Variants in MBOAT1 observed in about 807,000 individuals in gnomAD.
The protein encoded by MBOAT1 is membrane bound glycerophospholipid O-acyltransferase 1.
MBOAT1 carries 67 observed loss-of-function variants against 64.4 expected under a neutral mutation model. The observed-to-expected ratio is 1.04, with a 90% confidence interval of 0.85 to 1.27. The LOEUF (loss-of-function observed/expected upper bound fraction) is 1.27. Ranked by LOEUF, MBOAT1 falls within the 50% of genes most tolerant of loss-of-function variation. MBOAT1 has a pLI of 0.00. For missense variants in MBOAT1, 563 were observed against 604.6 expected, an observed-to-expected ratio of 0.93 and a Z score of 0.72; for synonymous variants, 229 against 218.9, an observed-to-expected ratio of 1.05 and a Z score of -0.41.
chr6:20,128,545 G>A (rs957980906), intron 6 of MBOAT1, among the ~76,000 whole-genome samples, 154 bp downstream of exon 6: 1 of 152,008 alleles, frequency 6.6e-6, no homozygotes, highest in Non-Finnish European at 1.5e-5. Flanking sequence ...ACCAAAGACT[G>A]GTAACAATGC....
rs200985522 is a variant in MBOAT1, at chr6:20,124,584, T to C, written c.731A>G (p.Lys244Arg). The C allele has an allele frequency of 9.9e-6, 16 of 1,614,128 alleles. No homozygotes were observed. The African/African-American group carries it at 2.0e-4, about 20-fold the overall frequency. ...GAGAGACACCAAGGTGATGCCCAAC[T>C]TGTGTATCACAGCTCCCTGAAAATG... ...EPSPTGAVIH[K>R]LGITLVSLLL... Residue 244 changes from lysine (K) to arginine (R), a missense_variant, in exon 8 of 13, where the codon AAG becomes AGG. Lys to Arg is a conservative substitution (Grantham distance 26, BLOSUM62 2). Transcript: ENST00000324607.
chr6:20,157,506 T>C (rs984665703), intron 1 of MBOAT1, among the ~76,000 whole-genome samples: 3 of 152,194 alleles, frequency 2.0e-5, no homozygotes, highest in Non-Finnish European at 4.4e-5. Flanking sequence ...ATTATTTTCA[T>C]CATTTGGAAA....
At position 20,102,307 on chromosome 6, in the gene MBOAT1, A is replaced by G; in HGVS notation, c.1467T>C (p.Ile489=). The stretch of plus-strand genomic sequence containing the variant: ...GGTATCAATCTGTTTTTCTCTTATT[A>G]ATAGAGTTCAGAGTCTGAGGCCGCC... ...TQRRPQTLNS[I]NKRKTD is the part of the protein sequence containing the mutation. The change falls in exon 13 of 13, where the codon ATT becomes ATC. Residue 489 remains isoleucine (I), a synonymous_variant. Coordinates refer to ENST00000324607, the MANE Select transcript of MBOAT1 (RefSeq NM_001080480.3). The G allele has an allele frequency of 6.2e-7, 1 of 1,613,722 alleles. No homozygotes were observed. The highest frequency in any genetic ancestry group is 2.2e-5 in the East Asian group (1 of 44,850).
In MBOAT1 at chr6:20,178,947, A is replaced by G. The variant is rs189967606; in HGVS notation, c.100-26178T>C. Among the ~76,000 whole-genome samples, 852 of 151,372 alleles carry G rather than the reference A, an allele frequency of 5.6e-3. 3 individuals carry two copies. Among genetic ancestry groups the G allele is most frequent in the Non-Finnish European group, 7.5e-3 (508 of 67,888 alleles). ...TTTTTAATGGGTTTTTTTTTTTCCAACTTTTAAGTTCAGGGATACCTGTGC... is the reference window on the plus strand; with the variant it reads ...TTTTTAATGGGTTTTTTTTTTTCCAGCTTTTAAGTTCAGGGATACCTGTGC... On this transcript the variant is annotated intron_variant, in intron 1 of 12. Coordinates refer to ENST00000324607, the MANE Select transcript of MBOAT1 (RefSeq NM_001080480.3).
chr6:20,120,614 A>C (rs1760468046), intron 8 of MBOAT1, among the ~76,000 whole-genome samples: 1 of 152,154 alleles, frequency 6.6e-6, no homozygotes, highest in African/African-American at 2.4e-5. Flanking sequence ...GGTTACAATT[A>C]GCCAAGATCG....
chr6:20,156,415 C>T (rs761779604), intron 1 of MBOAT1, among the ~76,000 whole-genome samples: 1 of 152,232 alleles, frequency 6.6e-6, no homozygotes, highest in East Asian at 1.9e-4. Flanking sequence ...ACCTGCTCCA[C>T]CACCCTCTCC....
At chr6:20,110,164 C>T (rs1222105898) in intron 11 of MBOAT1, among the ~76,000 whole-genome samples, 2 of 151,292 alleles carry the variant, frequency 1.3e-5, no homozygotes, top group East Asian at 1.9e-4. Context: ...CCACCTTGGC[C>T]GCCCAAAGTG....
At chr6:20,187,320 G>A (rs1044297865) in intron 1 of MBOAT1, among the ~76,000 whole-genome samples, 1 of 152,238 alleles carries the variant, frequency 6.6e-6, no homozygotes, top group African/African-American at 2.4e-5. Context: ...TGTAAAGTGA[G>A]GGAGGGAAAA....
intron 4 of MBOAT1, among the ~76,000 whole-genome samples, chr6:20,142,053 G>A (rs1221025249): frequency 6.8e-6 from 1 of 148,032 alleles, no homozygotes; most frequent in East Asian, 2.0e-4. Context: ...AGTTGTTGCA[G>A]AAATGAATAG....
chr6:20,171,007 G>A (rs1168807228), intron 1 of MBOAT1, among the ~76,000 whole-genome samples: 1 of 152,172 alleles, frequency 6.6e-6, no homozygotes, highest in East Asian at 1.9e-4. Context: ...AGATAGAGCA[G>A]AGAACAGGTA....
chr6:20,124,469 G>A lies in MBOAT1; in HGVS notation c.846C>T (p.Leu282=), dbSNP rs1760591460. The A allele has an allele frequency of 6.2e-7, 1 of 1,614,182 alleles. No homozygotes were observed. ...FVHKASFPAR[L]CYLYVVMQAS... ...CTTGCATGACAACATATAAGTAGCAGAGTCGAGCCGGAAAGCTTGCTTTAT... is the reference window on the plus strand; with the variant it reads ...CTTGCATGACAACATATAAGTAGCAAAGTCGAGCCGGAAAGCTTGCTTTAT... Residue 282 remains leucine, a synonymous_variant, in exon 8 of 13, where the codon CTC becomes CTT. Transcript: ENST00000324607.
intron 4 of MBOAT1, among the ~76,000 whole-genome samples, chr6:20,132,364 T>C (rs1760856664): frequency 1.3e-5 from 2 of 152,200 alleles, no homozygotes; most frequent in Non-Finnish European, 2.9e-5. Context: ...GAAGATACAT[T>C]TGTAAAATGC....
At chr6:20,167,965 C>G (rs1762058892) in intron 1 of MBOAT1, among the ~76,000 whole-genome samples, 1 of 152,142 alleles carries the variant, frequency 6.6e-6, no homozygotes, top group Non-Finnish European at 1.5e-5. Context: ...ATGAATTTCC[C>G]TGCACATCCT....
At chr6:20,115,441 G>C (rs1760291872) in intron 9 of MBOAT1, 89 bp from the exon 10 acceptor site, 3 of 1,035,406 alleles carry the variant, frequency 2.9e-6, no homozygotes, top group Non-Finnish European at 4.5e-6. Flanking sequence ...CAGCAGGTTA[G>C]ATACTGTATT....
chr6:20,212,327 G>C lies in MBOAT1; in HGVS notation c.-93C>G. 2.5e-6 allele frequency: 3 copies of C among 1,197,700 alleles called. No homozygotes were observed. Among genetic ancestry groups the C allele is most frequent in the South Asian group, 2.7e-5 (2 of 74,214 alleles). 74.2% of individuals were successfully genotyped at this position (1,197,700 alleles called of 1,614,324 possible). ...CCGGGTGCTCTTGGGTGGTTGCCCC[G>C]AGAGGCGCACGGCCGCCTGGTTCGC... is the stretch of plus-strand genomic sequence containing the variant. On this transcript the variant is annotated 5_prime_UTR_variant, in exon 1 of 13. Transcript: ENST00000324607.
At position 20,131,744 on chromosome 6, in the gene MBOAT1, T is replaced by C. The variant is rs142349212; in HGVS notation, c.420-545A>G. Among the ~76,000 whole-genome samples, 501 of 152,222 alleles carry C rather than the reference T, an allele frequency of 3.3e-3. 1 individual carries two copies. Among genetic ancestry groups the C allele is most frequent in the African/African-American group, 0.011 (475 of 41,526 alleles). ...AAACCATTTTTATTTCCCTTCGAAATCACTTTACATAGATAGATATAACAA... is the reference window on the plus strand; with the variant it reads ...AAACCATTTTTATTTCCCTTCGAAACCACTTTACATAGATAGATATAACAA... On this transcript the variant is annotated intron_variant, in intron 4 of 12. Coordinates refer to ENST00000324607, the MANE Select transcript of MBOAT1 (RefSeq NM_001080480.3).
chr6:20,128,626 A>G lies in MBOAT1; in HGVS notation c.530+73T>C, dbSNP rs545981220. 39 of 1,100,626 alleles carry G rather than the reference A, an allele frequency of 3.5e-5. No homozygotes were observed. In the African/African-American group the frequency reaches 5.7e-4, roughly 16 times the overall value. 68.2% of individuals were successfully genotyped at this position (1,100,626 alleles called of 1,614,324 possible). A position where few individuals can be genotyped will look rare whatever the true frequency, so the allele number is the denominator to read the frequency against. ...CATAGAACAGAATTAATGTGTAGAT[A>G]TTTTTAAATGAGGAAAATCTCTAGA... On this transcript the variant is annotated intron_variant, in intron 6 of 12. Coordinates refer to ENST00000324607, the MANE Select transcript of MBOAT1 (RefSeq NM_001080480.3).
At chr6:20,183,211 T>C (rs1385841327) in intron 1 of MBOAT1, among the ~76,000 whole-genome samples, 3 of 151,978 alleles carry the variant, frequency 2.0e-5, no homozygotes, top group Non-Finnish European at 4.4e-5. Context: ...ACATAATCCA[T>C]GGTATGATCT....
intron 1 of MBOAT1, among the ~76,000 whole-genome samples, chr6:20,171,863 G>A (rs1275104061): frequency 6.6e-6 from 1 of 151,132 alleles, no homozygotes; most frequent in Non-Finnish European, 1.5e-5. Flanking sequence ...GAAATAACTT[G>A]TCTCTACAAA....
Sources: gnomAD v4.1 joint callset for allele counts (sites outside exome capture counted in the v4.1 genomes callset) on GRCh38, gnomAD v4.1.1 for gene constraint, MANE v1.5 for transcripts, NCBI Gene and HGNC (gene_info 2026-07-23, HGNC 2026-07-21) for gene names.